CHTF18: variants seen among roughly 807,000 people sequenced by gnomAD.
The protein encoded by CHTF18 is chromosome transmission fidelity factor 18, also known as chromosome transmission fidelity protein 18 homolog.
Under a neutral mutation model 113.4 loss-of-function variants are expected in CHTF18, and 151 were observed. That is an observed-to-expected ratio of 1.33 (90% confidence interval 1.17 to 1.52). The LOEUF is 1.52. CHTF18 is among the 40% of genes most tolerant of loss of function. The pLI is 0.00. For synonymous variants in CHTF18, 916 were observed against 598.8 expected (o/e 1.53, Z -7.74); for missense variants, 1,982 against 1,381.6 (o/e 1.43, Z -6.89).
In CHTF18 at chr16:791,954, T is replaced by C; in HGVS notation, c.1202+6T>C. The C allele has an allele frequency of 6.2e-7, 1 of 1,603,854 alleles. No homozygotes were observed. The highest frequency in any genetic ancestry group is 8.5e-7 in the Non-Finnish European group (1 of 1,175,922). On this transcript the variant is annotated splice_donor_region_variant and intron_variant, in intron 9 of 21. Coordinates refer to ENST00000262315, the MANE Select transcript of CHTF18 (RefSeq NM_022092.3). The stretch of plus-strand genomic sequence containing the variant: ...GTGGTGGAGATGAACGCCAGGTGAG[T>C]GATGTGAGGTCCGTCTCTGGCTCGC...
At position 791,855 on chromosome 16, in the gene CHTF18, C is replaced by T. The variant is rs781636990; in HGVS notation, c.1109C>T (p.Ala370Val). 6 of 1,603,828 alleles carry T rather than the reference C, an allele frequency of 3.7e-6. No homozygotes were observed. Among genetic ancestry groups the T allele is most frequent in the Admixed American group, 1.7e-5 (1 of 58,826 alleles). The part of the protein sequence containing the change: ...DPSQRPKQKV[A>V]LLCGPPGLGK... ...CTTCATCTACCTGGGCTGCAGGTGG[C>T]ACTGCTCTGTGGGCCCCCGGGGCTG... The change falls in exon 9 of 22, where the codon GCA becomes GTA. Residue 370 changes from alanine to valine, a missense_variant. Ala to Val is a moderately conservative substitution (Grantham distance 64). Coordinates refer to ENST00000262315, the MANE Select transcript of CHTF18 (RefSeq NM_022092.3).
At chr16:789,163 G>T in intron 2 of CHTF18, 38 bp downstream of exon 2, 1 of 1,549,878 alleles carries the variant, frequency 6.5e-7, no homozygotes. Flanking sequence ...TCCGGAGTGG[G>T]CGCGAGGCTG....
At chr16:797,797 G>C (rs1177989803) in intron 21 of CHTF18, 42 bp from the exon 22 acceptor site, 3 of 1,585,740 alleles carry the variant, frequency 1.9e-6, no homozygotes, top group East Asian at 2.3e-5. Context: ...TGGGGGTTGT[G>C]GGGGGGCCTT....
At chr16:793,943 A>G in intron 14 of CHTF18, 111 bp from the exon 15 acceptor site, 1 of 1,266,722 alleles carries the variant, frequency 7.9e-7, no homozygotes, top group Non-Finnish European at 1.1e-6. Flanking sequence ...CCTGCTGAGA[A>G]GAATGAAGTG....
chr16:793,344 C>A, intron 14 of CHTF18, 70 bp downstream of exon 14: 1 of 1,546,360 alleles, frequency 6.5e-7, no homozygotes, highest in South Asian at 1.2e-5. Flanking sequence ...GCCCTGTGTG[C>A]AGGCCAGCAC....
chr16:791,158 C>T lies in CHTF18; in HGVS notation c.895-3C>T. On this transcript the variant is annotated splice_region_variant and splice_polypyrimidine_tract_variant and intron_variant, in intron 7 of 21. Transcript: ENST00000262315. ...TGTGCTTCCCTTCCCGTCCTTCCCG[C>T]AGTTCACCAACCGCTGCCTGCTCAA... The T allele has an allele frequency of 6.2e-7, 1 of 1,608,838 alleles. No individual in the cohort carries two copies. Among genetic ancestry groups the T allele is most frequent in the Non-Finnish European group, 8.5e-7 (1 of 1,178,428 alleles).
chr16:797,953 T>G lies in CHTF18; in HGVS notation c.2906T>G (p.Leu969Arg). ...EGVSNAVRRS[L>R]YIRDLL ...GTCTCCAACGCCGTGCGGCGCAGCCTGTACATCAGGGACTTGCTCTAGTTC... is the reference window on the plus strand; with the variant it reads ...GTCTCCAACGCCGTGCGGCGCAGCCGGTACATCAGGGACTTGCTCTAGTTC... The change falls in exon 22 of 22, where the codon CTG (leucine) becomes CGG (arginine). Residue 969 changes from leucine (L) to arginine (R), a missense_variant. Coordinates refer to ENST00000262315, the MANE Select transcript of CHTF18 (RefSeq NM_022092.3). The G allele has an allele frequency of 6.2e-7, 1 of 1,612,178 alleles. No homozygotes were observed. Among genetic ancestry groups the G allele is most frequent in the East Asian group, 2.2e-5 (1 of 44,878 alleles).
At chr16:794,466 ACT>A (rs1306969928) in intron 15 of CHTF18, among the ~76,000 whole-genome samples, 2 of 149,072 alleles carry the variant, frequency 1.3e-5, no homozygotes, top group Non-Finnish European at 3.0e-5. Context: ...GCTGCTTGGG[ACT>A]CTCAGCGGGT....
chr16:791,093 G>T, intron 7 of CHTF18, 68 bp from the exon 8 acceptor site: 1 of 1,538,844 alleles, frequency 6.5e-7, no homozygotes, highest in Non-Finnish European at 8.8e-7. Context: ...GCTCATGGTG[G>T]CAGGTGGACT....
chr16:797,306 G>A (rs899450610), intron 20 of CHTF18, among the ~76,000 whole-genome samples: 3 of 151,342 alleles, frequency 2.0e-5, no homozygotes, highest in African/African-American at 7.3e-5. Flanking sequence ...TAGGGGTGGG[G>A]CCAAGGCACC....
In CHTF18 at chr16:796,090, G is replaced by T. The variant is rs1432333314; in HGVS notation, c.2456+13G>T. On this transcript the variant is annotated intron_variant, in intron 18 of 21. Transcript: ENST00000262315. ...ACAGGCTGGAGCCGTGAGTCCCCCAGTGCCTGGGGTGTGCTCCAGGGTCAT... is the reference window on the plus strand; with the variant it reads ...ACAGGCTGGAGCCGTGAGTCCCCCATTGCCTGGGGTGTGCTCCAGGGTCAT... 3 of 1,594,298 alleles carry T rather than the reference G, an allele frequency of 1.9e-6. No homozygotes were observed. The highest frequency in any genetic ancestry group is 1.7e-6 in the Non-Finnish European group (2 of 1,171,686).
Position 789,613 on chromosome 16 carries a change from G to C in CHTF18, c.504G>C (p.Leu168=), listed in dbSNP as rs1484916752. 8.1e-6 allele frequency: 13 copies of C among 1,608,992 alleles called. No individual in the cohort carries two copies. The highest frequency in any genetic ancestry group is 1.1e-5 in the Non-Finnish European group (13 of 1,179,680). The change falls in exon 4 of 22, where the codon CTG becomes CTC. Residue 168 remains leucine (L), a synonymous_variant. Coordinates refer to ENST00000262315, the MANE Select transcript of CHTF18 (RefSeq NM_022092.3). ...CACCAGCTGCCCGCAATCCCGTCCT[G>C]AGGCGGCCCCCCATCTTGGAGGACT... The part of the protein sequence containing the change: ...RASPAARNPV[L]RRPPILEDYV...
intron 20 of CHTF18, among the ~76,000 whole-genome samples, chr16:797,329 C>T (rs970778831): frequency 1.3e-5 from 2 of 151,412 alleles, no homozygotes; most frequent in Non-Finnish European, 3.0e-5. Context: ...TGGGGTGGGG[C>T]CAGGGTACCT....
At chr16:797,778 TG>T (rs779287702) in intron 21 of CHTF18, 27 bp downstream of exon 21, 76 of 419,674 alleles carry the variant, frequency 1.8e-4, no homozygotes, top group Non-Finnish European at 2.6e-4. Flanking sequence ...TGTGGGGTTG[TG>T]GGGGGCCTGG....
At chr16:794,304 G>C (rs2042280094) in intron 15 of CHTF18, 103 bp downstream of exon 15, 1 of 1,383,412 alleles carries the variant, frequency 7.2e-7, no homozygotes, top group Non-Finnish European at 9.9e-7. Context: ...GAGGCGCTTT[G>C]GGGGTGCTGA....
chr16:796,154 G>T, intron 18 of CHTF18, 77 bp downstream of exon 18: 2 of 1,527,578 alleles, frequency 1.3e-6, no homozygotes, highest in East Asian at 2.4e-5. Context: ...CCCGCATGGG[G>T]CCAGGAGTCT....
In CHTF18 at chr16:788,744, G is replaced by A. The variant is rs749583357; in HGVS notation, c.60G>A (p.Ala20=). 1.9e-6 allele frequency: 3 copies of A among 1,601,778 alleles called. No homozygotes were observed. Among genetic ancestry groups the A allele is most frequent in the East Asian group, 4.5e-5 (2 of 43,986 alleles). ...GVEDDFHNQF[A]AELEVLAELE... is the part of the protein sequence containing the mutation. Reference sequence around the variant, plus strand: ...AGGATGATTTCCACAACCAGTTCGCGGCCGAGCTGGAGGTGCTGGCAGAGC... The same window carrying A: ...AGGATGATTTCCACAACCAGTTCGCAGCCGAGCTGGAGGTGCTGGCAGAGC... The change falls in exon 1 of 22, where the codon GCG becomes GCA. Residue 20 remains alanine (A), a synonymous_variant. Coordinates refer to ENST00000262315, the MANE Select transcript of CHTF18 (RefSeq NM_022092.3).
intron 7 of CHTF18, 149 bp downstream of exon 7, chr16:790,815 C>T (rs2042176788): frequency 7.0e-7 from 1 of 1,434,694 alleles, no homozygotes; most frequent in South Asian, 1.5e-5. Context: ...AGGTGGTGAA[C>T]TGAGCACAGG....
intron 15 of CHTF18, 38 bp from the exon 16 acceptor site, chr16:795,094 G>A (rs1327594536): frequency 3.4e-6 from 5 of 1,478,706 alleles, no homozygotes; most frequent in South Asian, 1.3e-5. Context: ...ACCTTCCCTG[G>A]GGTGGGCAGG....
Sources: allele counts gnomAD v4.1 joint callset (sites outside exome capture counted in the v4.1 genomes callset), GRCh38; gene constraint gnomAD v4.1.1; transcripts MANE v1.5; gene names NCBI Gene and HGNC (gene_info 2026-07-23, HGNC 2026-07-21).